PARK7: variants seen among roughly 807,000 people sequenced by gnomAD.
PARK7 encodes Parkinsonism associated deglycase.
A neutral mutation model predicts 20.5 loss-of-function variants in PARK7; 14 were observed. The ratio of observed to expected loss-of-function variants is 0.68; its 90% CI spans 0.45 to 1.07. PARK7 has a LOEUF of 1.07. Among genes scored for constraint, PARK7 ranks in the 50% least tolerant of loss-of-function variants. The pLI is 0.00. For missense variants in PARK7, 234 were observed against 238.1 expected, an observed-to-expected ratio of 0.98 and a Z score of 0.11; for synonymous variants, 98 against 84.3, an observed-to-expected ratio of 1.16 and a Z score of -0.89.
In PARK7 at chr1:7,962,773, A is replaced by G; in HGVS notation, c.-13A>G. 1.9e-6 allele frequency: 3 copies of G among 1,590,402 alleles called. No individual in the cohort carries two copies. The South Asian group carries it at 3.3e-5, about 18-fold the overall frequency. ...TTTTTTTTTTTTAAGGCTTGTAAAC[A>G]TATAACATAAAAATGGCTTCCAAAA... On this transcript the variant is annotated 5_prime_UTR_variant, in exon 2 of 7. Transcript: ENST00000338639.
intron 3 of PARK7, among the ~76,000 whole-genome samples, chr1:7,968,181 A>G (rs1640368347): frequency 1.3e-5 from 2 of 151,080 alleles, no homozygotes; most frequent in Admixed American, 6.6e-5. Context: ...AGTGGTGGGT[A>G]CCTGTAATCC....
chr1:7,973,980 A>G (rs937232489), intron 5 of PARK7, among the ~76,000 whole-genome samples: 7 of 152,072 alleles, frequency 4.6e-5, no homozygotes, highest in Non-Finnish European at 8.8e-5. Flanking sequence ...TGCCATGCTA[A>G]GAAGCATGGG....
intron 5 of PARK7, among the ~76,000 whole-genome samples, chr1:7,977,095 C>T (rs541016970): frequency 6.6e-6 from 1 of 152,136 alleles, no homozygotes. Context: ...GTACCAGTTG[C>T]CTTTAGCATG....
intron 3 of PARK7, among the ~76,000 whole-genome samples, chr1:7,968,032 G>A (rs551359744): frequency 2.7e-4 from 41 of 151,408 alleles, no homozygotes; most frequent in African/African-American, 9.7e-4. Context: ...ATTGTTGGCC[G>A]GCCACAGTGG....
At chr1:7,972,836 C>T (rs529103107) in intron 5 of PARK7, among the ~76,000 whole-genome samples, 159 of 152,058 alleles carry the variant, frequency 1.0e-3, no homozygotes, top group Non-Finnish European at 2.0e-3. Flanking sequence ...GTCAGGAGTT[C>T]GAAACCAGCC....
intron 5 of PARK7, among the ~76,000 whole-genome samples, chr1:7,977,378 T>C (rs978461140): frequency 6.6e-6 from 1 of 152,246 alleles, no homozygotes; most frequent in African/African-American, 2.4e-5. Context: ...TCTCTCATAC[T>C]AGGAAGTGTT....
intron 6 of PARK7, among the ~76,000 whole-genome samples, chr1:7,979,212 C>T (rs1172285115): frequency 6.6e-6 from 1 of 152,142 alleles, no homozygotes; most frequent in African/African-American, 2.4e-5. Flanking sequence ...ATGCACTTTT[C>T]ATTATACTGC....
chr1:7,970,784 C>T, intron 4 of PARK7, 110 bp from the exon 5 acceptor site: 1 of 971,358 alleles, frequency 1.0e-6, no homozygotes. Context: ...GAAAATAGGT[C>T]AGAGAGCTTG....
At chr1:7,977,543 C>A in intron 5 of PARK7, 109 bp from the exon 6 acceptor site, 1 of 955,708 alleles carries the variant, frequency 1.0e-6, no homozygotes, top group Non-Finnish European at 1.6e-6. Context: ...CCTAGGCCTC[C>A]CCAATTGCTG....
intron 4 of PARK7, among the ~76,000 whole-genome samples, chr1:7,970,078 C>T (rs1412552226): frequency 6.6e-6 from 1 of 151,896 alleles, no homozygotes; most frequent in African/African-American, 2.4e-5. Context: ...ACTTGTAGTC[C>T]CAGCTACTCG....
At chr1:7,963,819 CTTTTTT>C (rs34787365) in intron 2 of PARK7, among the ~76,000 whole-genome samples, 2 of 144,372 alleles carry the variant, frequency 1.4e-5, no homozygotes, top group Non-Finnish European at 3.0e-5. Flanking sequence ...GCATGTGTGT[CTTTTTT>C]TTTTTTTTTA....
At position 7,963,436 on chromosome 1, in the gene PARK7, C is replaced by T. The variant is rs1311498868; in HGVS notation, c.90+561C>T. Among the ~76,000 whole-genome samples, 8 of 148,708 alleles carry T rather than the reference C, an allele frequency of 5.4e-5. No individual in the cohort carries two copies. The South Asian group carries it at 8.6e-4, about 16-fold the overall frequency. On this transcript the variant is annotated intron_variant, in intron 2 of 6. Transcript: ENST00000338639. ...TCTCTCTGTGTCGCTCAGCCTGGAA[C>T]GCAGTGGTGTGATCTCTGCTCGCTG...
In PARK7 at chr1:7,985,080, G is replaced by A; in HGVS notation, c.*26G>A. ...AGCAGCGAACTGCGACGATCACTTA[G>A]AGAAACAGGCCGTTAGGAATCCATT... On this transcript the variant is annotated 3_prime_UTR_variant, in exon 7 of 7. Transcript: ENST00000338639. 6.2e-7 allele frequency: 1 copy of A among 1,610,822 alleles called. No homozygotes were observed. The highest frequency in any genetic ancestry group is 1.1e-5 in the South Asian group (1 of 90,750).
At chr1:7,969,513 C>T (rs982989309) in intron 4 of PARK7, 109 bp downstream of exon 4, 80 of 808,576 alleles carry the variant, frequency 9.9e-5, no homozygotes, top group Middle Eastern at 5.4e-4. Context: ...TCAAATATTT[C>T]GGGAGGAGGC....
chr1:7,980,160 C>CAA (rs34615529), intron 6 of PARK7, among the ~76,000 whole-genome samples: 6,769 of 124,890 alleles, frequency 0.054, 206 homozygotes, highest in South Asian at 0.097. Flanking sequence ...GACTCCATCT[C>CAA]AAAAAAAAAA....
intron 5 of PARK7, among the ~76,000 whole-genome samples, chr1:7,976,284 A>G (rs1640582532): frequency 2.0e-5 from 3 of 152,218 alleles, no homozygotes; most frequent in African/African-American, 7.2e-5. Flanking sequence ...TCTAAGTGTC[A>G]TGTGAGGCCT....
intron 5 of PARK7, among the ~76,000 whole-genome samples, chr1:7,973,832 C>T (rs538976577): frequency 1.6e-4 from 24 of 150,456 alleles, no homozygotes; most frequent in Non-Finnish European, 3.3e-4. Context: ...CGCTTGAACC[C>T]GGGAGGCGGA....
intron 6 of PARK7, among the ~76,000 whole-genome samples, chr1:7,980,950 C>T (rs753144032): frequency 2.0e-5 from 3 of 152,162 alleles, no homozygotes; most frequent in East Asian, 1.9e-4. Flanking sequence ...TCAAATGACC[C>T]TCCCACCTTG....
At position 7,962,740 on chromosome 1, in the gene PARK7, CTTTTTTTT is replaced by C; in HGVS notation, c.-23-11_-23-4del. On this transcript the variant is annotated splice_polypyrimidine_tract_variant and intron_variant, in intron 1 of 6. Transcript: ENST00000338639. ...GGTTGCAATGAAAGTTTTTTGAAAT[CTTTTTTTT>C]TTTTTTTTTTTAAGGCTTGTAAACA... 1.7e-6 allele frequency: 2 copies of C among 1,153,244 alleles called. No homozygotes were observed. The highest frequency in any genetic ancestry group is 2.4e-6 in the Non-Finnish European group (2 of 837,714). The allele number at this position is 1,153,244 out of a possible 1,614,324, so 71.4% of individuals were successfully genotyped here. A position where few individuals can be genotyped will look rare whatever the true frequency, so the allele number is the denominator to read the frequency against.
Sources: gnomAD v4.1 joint callset for allele counts (sites outside exome capture counted in the v4.1 genomes callset) on GRCh38, gnomAD v4.1.1 for gene constraint, MANE v1.5 for transcripts, NCBI Gene and HGNC (gene_info 2026-07-23, HGNC 2026-07-21) for gene names.